RP1L1: variants seen among roughly 807,000 people sequenced by gnomAD.
RP1L1 encodes retinitis pigmentosa 1-like 1 protein.
In RP1L1, 27 loss-of-function variants were observed where a neutral mutation model predicts 15.7. That is an observed-to-expected ratio of 1.72 (90% confidence interval 1.27 to 2.38). The LOEUF is 2.38. Among genes scored for constraint, RP1L1 ranks in the 30% most tolerant of loss-of-function variants. The pLI is 0.00. For missense variants in RP1L1, 4,798 were observed against 3,075.9 expected (o/e 1.56, Z -13.24); for synonymous variants, 1,813 against 1,276.7 (o/e 1.42, Z -8.96).
At chr8:10,647,815 G>A (rs1422280338) in intron 1 of RP1L1, among the ~76,000 whole-genome samples, 1 of 152,204 alleles carries the variant, frequency 6.6e-6, no homozygotes, top group African/African-American at 2.4e-5. Context: ...TGTACAAACA[G>A]CTTTTCAAGA....
At position 10,623,004 on chromosome 8, in the gene RP1L1, G is replaced by A. The variant is rs148800956; in HGVS notation, c.198C>T (p.Asp66=). The stretch of plus-strand genomic sequence containing the variant: ...AGAGAGGCACGCGCTGGGAGAGCTC[G>A]TCCATGAGGGCGCTGAAGGTCTTAA... The part of the protein sequence containing the change: ...RAFKTFSALM[D]ELSQRVPLSF... The change falls in exon 2 of 4, where the codon GAC becomes GAT. Residue 66 remains aspartate, a synonymous_variant. Coordinates refer to ENST00000382483, the MANE Select transcript of RP1L1 (RefSeq NM_178857.6). The A allele has an allele frequency of 1.0e-4, 161 of 1,614,132 alleles. No individual in the cohort carries two copies. In the African/African-American group the frequency reaches 1.0e-3, roughly 10 times the overall value.
At chr8:10,614,724 AAAAG>A (rs1015610241) in intron 3 of RP1L1, among the ~76,000 whole-genome samples, 3 of 151,770 alleles carry the variant, frequency 2.0e-5, no homozygotes, top group African/African-American at 4.8e-5. Context: ...AAGGAAAAAA[AAAAG>A]AAAGAAAGAA....
At chr8:10,638,989 T>TA (rs1798369614) in intron 1 of RP1L1, among the ~76,000 whole-genome samples, 1 of 151,602 alleles carries the variant, frequency 6.6e-6, no homozygotes, top group Admixed American at 6.6e-5. Context: ...TACTAAAAAA[T>TA]AAAAAATTAG....
chr8:10,654,444 G>A (rs1798608501), intron 1 of RP1L1, among the ~76,000 whole-genome samples: 1 of 151,950 alleles, frequency 6.6e-6, no homozygotes, highest in Non-Finnish European at 1.5e-5. Context: ...CCTCTAAGAA[G>A]CAAATTGGAC....
intron 1 of RP1L1, among the ~76,000 whole-genome samples, chr8:10,629,993 T>A (rs929167008): frequency 2.6e-5 from 4 of 152,142 alleles, no homozygotes; most frequent in Admixed American, 1.3e-4. Context: ...TCTTCTCCAA[T>A]CTGTTTTGCC....
chr8:10,624,889 G>C (rs1798132469), intron 1 of RP1L1, among the ~76,000 whole-genome samples: 1 of 152,126 alleles, frequency 6.6e-6, no homozygotes, highest in African/African-American at 2.4e-5. Flanking sequence ...ACTGAGATGT[G>C]GGCCCCAGAG....
chr8:10,639,758 G>A (rs986015435), intron 1 of RP1L1, among the ~76,000 whole-genome samples: 1 of 151,950 alleles, frequency 6.6e-6, no homozygotes, highest in African/African-American at 2.4e-5. Flanking sequence ...AAGTTTGACC[G>A]AACCGTACAT....
At chr8:10,620,201 G>C in intron 2 of RP1L1, among the ~76,000 whole-genome samples, 1 of 152,146 alleles carries the variant, frequency 6.6e-6, no homozygotes, top group Non-Finnish European at 1.5e-5. Context: ...GTTAGTCCAG[G>C]GTCTCACTTC....
In RP1L1 at chr8:10,610,122, T is replaced by A; in HGVS notation, c.3976A>T (p.Lys1326Ter). The change falls in exon 4 of 4, where the codon AAA becomes TAA. Residue 1326 changes from lysine to a stop codon, truncating the protein, a stop_gained. Transcript: ENST00000382483. LOFTEE classifies it low-confidence loss of function (END_TRUNC). Reference sequence around the variant, plus strand: ...TCTTCTTGCAGCCCTTCTTCTGTTTTAGTTTCCTCTAACTGCACCGCCTCT... The same window carrying A: ...TCTTCTTGCAGCCCTTCTTCTGTTTAAGTTTCCTCTAACTGCACCGCCTCT... ...QEEAVQLEET[K>*]TEEGLQEEGV... The A allele has an allele frequency of 6.8e-7, 1 of 1,475,202 alleles. No individual in the cohort carries two copies. The highest frequency in any genetic ancestry group is 9.1e-7 in the Non-Finnish European group (1 of 1,098,610). The allele number at this position is 1,475,202 out of a possible 1,614,324, so 91.4% of individuals were successfully genotyped here. A position where few individuals can be genotyped will look rare whatever the true frequency, so the allele number is the denominator to read the frequency against.
At chr8:10,646,697 G>T (rs1466881809) in intron 1 of RP1L1, among the ~76,000 whole-genome samples, 1 of 152,110 alleles carries the variant, frequency 6.6e-6, no homozygotes, top group Non-Finnish European at 1.5e-5. Flanking sequence ...CCCACGGGTG[G>T]CACACAAGCA....
Position 10,612,197 on chromosome 8 carries a change from G to A in RP1L1, c.1901C>T (p.Ser634Phe), listed in dbSNP as rs1797874644. 6.2e-7 allele frequency: 1 copy of A among 1,613,362 alleles called. No homozygotes were observed. The highest frequency in any genetic ancestry group is 1.1e-5 in the South Asian group (1 of 91,090). ...ASSTPSTCTSSQQGQRRHRSR... is the reference protein window; with the variant it reads ...ASSTPSTCTSFQQGQRRHRSR... ...TCTGTGCCTTCTCTGCCCCTGCTGG[G>A]ATGAAGTGCAGGTGGAAGGGGTGGA... The change falls in exon 4 of 4, where the codon TCC becomes TTC. Residue 634 changes from serine (S) to phenylalanine (F), a missense_variant. Physicochemically the swap from Ser to Phe is radical, Grantham distance 155. Coordinates refer to ENST00000382483, the MANE Select transcript of RP1L1 (RefSeq NM_178857.6).
intron 1 of RP1L1, among the ~76,000 whole-genome samples, chr8:10,638,945 G>T (rs1043426414): frequency 3.3e-5 from 5 of 151,860 alleles, no homozygotes; most frequent in Admixed American, 2.6e-4. Context: ...ATGAGTTCGA[G>T]ACCAGCCTGG....
At chr8:10,631,652 CCA>C (rs1332865334) in intron 1 of RP1L1, among the ~76,000 whole-genome samples, 1 of 152,232 alleles carries the variant, frequency 6.6e-6, no homozygotes. Context: ...CCCCCCTCCT[CCA>C]CTTCCGAGAC....
At position 10,606,781 on chromosome 8, in the gene RP1L1, T is replaced by G; in HGVS notation, c.*114A>C. 2.6e-6 allele frequency: 4 copies of G among 1,548,348 alleles called. No homozygotes were observed. The highest frequency in any genetic ancestry group is 3.5e-6 in the Non-Finnish European group (4 of 1,149,796). Reference sequence around the variant, plus strand: ...TGTGTCCTTGGCAAGTCCTTGGTCTTTGTCCATGTACTATGGACATCTCCA... The same window carrying G: ...TGTGTCCTTGGCAAGTCCTTGGTCTGTGTCCATGTACTATGGACATCTCCA... On this transcript the variant is annotated 3_prime_UTR_variant, in exon 4 of 4. Coordinates refer to ENST00000382483, the MANE Select transcript of RP1L1 (RefSeq NM_178857.6).
At position 10,653,787 on chromosome 8, in the gene RP1L1, G is replaced by A. The variant is rs148150130; in HGVS notation, c.-20+1111C>T. Among the ~76,000 whole-genome samples the A allele has an allele frequency of 1.8e-4, 27 of 152,338 alleles. No individual in the cohort carries two copies. In the East Asian group the frequency reaches 5.2e-3, roughly 29 times the overall value. ...ATTTGTAAGAGGATTTCTGGAAGATGTTTATATAACCGAGAGGGTAAATAA... is the reference window on the plus strand; with the variant it reads ...ATTTGTAAGAGGATTTCTGGAAGATATTTATATAACCGAGAGGGTAAATAA... On this transcript the variant is annotated intron_variant, in intron 1 of 3. Transcript: ENST00000382483.
chr8:10,645,763 C>T (rs775818814), intron 1 of RP1L1, among the ~76,000 whole-genome samples: 1 of 152,056 alleles, frequency 6.6e-6, no homozygotes, highest in Non-Finnish European at 1.5e-5. Context: ...CCAGTGCAAG[C>T]GAGTCCAGCC....
intron 1 of RP1L1, among the ~76,000 whole-genome samples, chr8:10,629,950 C>G (rs1798215593): frequency 6.6e-6 from 1 of 152,192 alleles, no homozygotes; most frequent in African/African-American, 2.4e-5. Context: ...ACCACGTAGG[C>G]ATCAAGGTGG....
chr8:10,617,829 T>A (rs552288042), intron 2 of RP1L1, among the ~76,000 whole-genome samples: 1 of 152,326 alleles, frequency 6.6e-6, no homozygotes, highest in South Asian at 2.1e-4. Context: ...GTGCTGGGAT[T>A]ACAGGCGTGA....
chr8:10,615,945 C>T (rs1357110566), intron 3 of RP1L1, among the ~76,000 whole-genome samples: 1 of 152,162 alleles, frequency 6.6e-6, no homozygotes, highest in African/African-American at 2.4e-5. Flanking sequence ...TGCTCTGTCA[C>T]CCAGGCTGGA....
Sources: gnomAD v4.1 joint callset for allele counts (sites outside exome capture counted in the v4.1 genomes callset) on GRCh38, gnomAD v4.1.1 for gene constraint, MANE v1.5 for transcripts, NCBI Gene and HGNC (gene_info 2026-07-23, HGNC 2026-07-21) for gene names.